Variants in SGCZ observed in about 807,000 individuals in gnomAD.
The protein encoded by SGCZ is sarcoglycan zeta.
In SGCZ, 40 loss-of-function variants were observed where a neutral mutation model predicts 41.3. The ratio of observed to expected loss-of-function variants is 0.97; its 90% confidence interval spans 0.75 to 1.26. The LOEUF (loss-of-function observed/expected upper bound fraction) is 1.26, where lower values mean the gene tolerates loss of function less well. Ranked by LOEUF, SGCZ falls within the 50% of genes most tolerant of loss-of-function variation. SGCZ has a pLI of 0.00. For missense variants in SGCZ, 552 were observed against 369.8 expected (o/e 1.49, Z -4.04); for synonymous variants, 206 against 137.5 (o/e 1.50, Z -3.49).
At chr8:14,993,251 T>C (rs1482532556) in intron 1 of SGCZ, among the ~76,000 whole-genome samples, 1 of 152,154 alleles carries the variant, frequency 6.6e-6, no homozygotes, top group African/African-American at 2.4e-5. Flanking sequence ...CTACCACAAG[T>C]CCGTTGTATG....
At chr8:14,776,518 CTTTTT>C (rs35602866) in intron 1 of SGCZ, among the ~76,000 whole-genome samples, 5 of 116,636 alleles carry the variant, frequency 4.3e-5, no homozygotes, top group African/African-American at 1.6e-4. Context: ...TTTTCTTTTT[CTTTTT>C]TTTTTTTTTT....
chr8:14,319,828 G>A (rs111493519), intron 3 of SGCZ, among the ~76,000 whole-genome samples: 4,241 of 152,122 alleles, frequency 0.028, 93 homozygotes, highest in Middle Eastern at 0.088. Context: ...TCACACTGCA[G>A]GGAGTTAAGA....
intron 2 of SGCZ, among the ~76,000 whole-genome samples, chr8:14,373,994 A>G (rs1219857529): frequency 2.6e-5 from 4 of 152,190 alleles, no homozygotes; most frequent in Non-Finnish European, 5.9e-5. Flanking sequence ...AAAATAAAAA[A>G]ATACACAGAT....
chr8:14,810,258 T>C (rs1279520637), intron 1 of SGCZ, among the ~76,000 whole-genome samples: 1 of 152,032 alleles, frequency 6.6e-6, no homozygotes. Context: ...AAATCAAAAA[T>C]TCAAGAAGTT....
chr8:14,390,608 A>G (rs1268696573), intron 2 of SGCZ, among the ~76,000 whole-genome samples: 1 of 152,000 alleles, frequency 6.6e-6, no homozygotes, highest in Non-Finnish European at 1.5e-5. Flanking sequence ...GCATTGAAAC[A>G]GTATGGCATG....
chr8:14,772,769 G>A (rs549281349), intron 1 of SGCZ, among the ~76,000 whole-genome samples: 20 of 151,918 alleles, frequency 1.3e-4, no homozygotes, highest in South Asian at 6.2e-4. Flanking sequence ...ATCATTTTTT[G>A]TGGCTGCATA....
At chr8:14,102,689 G>A (rs1029534841) in intron 6 of SGCZ, among the ~76,000 whole-genome samples, 190 bp from the exon 7 acceptor site, 12 of 151,982 alleles carry the variant, frequency 7.9e-5, no homozygotes, top group Admixed American at 5.9e-4. Context: ...TTTGATTGAC[G>A]TATCTATTTT....
At chr8:15,130,546 C>T (rs897590484) in intron 1 of SGCZ, among the ~76,000 whole-genome samples, 3 of 152,172 alleles carry the variant, frequency 2.0e-5, no homozygotes, top group Non-Finnish European at 4.4e-5. Flanking sequence ...TAGAAATGCT[C>T]CTCATCCCAG....
chr8:14,539,166 T>C (rs1803382772), intron 2 of SGCZ, among the ~76,000 whole-genome samples: 1 of 152,018 alleles, frequency 6.6e-6, no homozygotes, highest in South Asian at 2.1e-4. Flanking sequence ...CAGCAGATTA[T>C]CTTCGGACTG....
rs1585286523 is a variant in SGCZ, at chr8:14,816,675, C to G, written c.40-261749G>C. ...TATAAGAAATTAACCATGTTAAAAT[C>G]ACAGAATAATTTGGTAATACCGAAG... On this transcript the variant is annotated intron_variant, in intron 1 of 7. Transcript: ENST00000382080. Among the ~76,000 whole-genome samples, 4 of 151,956 alleles carry G rather than the reference C, an allele frequency of 2.6e-5. No individual in the cohort carries two copies. In the East Asian group the frequency reaches 7.8e-4, roughly 30 times the overall value.
In SGCZ at chr8:14,085,221, CAT is replaced by C. The variant is rs745951640; in HGVS notation, c.*5220_*5221del. 2.0e-5 allele frequency among the ~76,000 whole-genome samples: 3 copies of C among 151,654 alleles called. No homozygotes were observed. The highest frequency in any genetic ancestry group is 4.4e-5 in the Non-Finnish European group (3 of 67,778). The stretch of plus-strand genomic sequence containing the variant: ...TTTGGTAATATTGCAATTTTACAAA[CAT>C]GTTGCATAGTATGTGTAAGAAAATA... On this transcript the variant is annotated 3_prime_UTR_variant, in exon 8 of 8. Coordinates refer to ENST00000382080, the MANE Select transcript of SGCZ (RefSeq NM_139167.4).
chr8:14,584,450 G>A (rs1804995065), intron 1 of SGCZ, among the ~76,000 whole-genome samples: 2 of 152,072 alleles, frequency 1.3e-5, no homozygotes, highest in African/African-American at 4.8e-5. Flanking sequence ...ATGTTTAACA[G>A]AGAATACAGG....
At chr8:14,518,698 G>T (rs923081222) in intron 2 of SGCZ, among the ~76,000 whole-genome samples, 1 of 151,914 alleles carries the variant, frequency 6.6e-6, no homozygotes, top group African/African-American at 2.4e-5. Flanking sequence ...ATTAAGTACA[G>T]TTTAGTTGCA....
rs377270891 is a variant in SGCZ at position 14,782,557 on chromosome 8, T to G, written c.40-227631A>C. On this transcript the variant is annotated intron_variant, in intron 1 of 7. Coordinates refer to ENST00000382080, the MANE Select transcript of SGCZ (RefSeq NM_139167.4). ...TTTGCAGATACAAACGAATTAACCA[T>G]CTGGAACCACCTAAACAAGACTCAT... 3.3e-5 allele frequency among the ~76,000 whole-genome samples: 5 copies of G among 152,274 alleles called. 1 individual carries two copies. Among genetic ancestry groups the G allele is most frequent in the African/African-American group, 1.2e-4 (5 of 41,574 alleles).
At chr8:15,008,798 A>C (rs1429490545) in intron 1 of SGCZ, among the ~76,000 whole-genome samples, 1 of 22,262 alleles carries the variant, frequency 4.5e-5, no homozygotes, top group African/African-American at 1.9e-4. Flanking sequence ...GGACGGAGGG[A>C]GGGGAGGAGG....
At chr8:14,278,948 A>G (rs567565563) in intron 3 of SGCZ, among the ~76,000 whole-genome samples, 1 of 152,154 alleles carries the variant, frequency 6.6e-6, no homozygotes, top group Non-Finnish European at 1.5e-5. Context: ...CTACAAGGCC[A>G]TGTATCTCTC....
chr8:14,246,866 C>T (rs1346779913), intron 3 of SGCZ, among the ~76,000 whole-genome samples: 79 of 141,600 alleles, frequency 5.6e-4, no homozygotes, highest in Middle Eastern at 3.9e-3. Flanking sequence ...GCCGAGATCG[C>T]GCCACTGCAC....
intron 1 of SGCZ, among the ~76,000 whole-genome samples, chr8:14,796,591 G>C (rs1166942217): frequency 6.6e-6 from 1 of 152,134 alleles, no homozygotes; most frequent in Admixed American, 6.5e-5. Flanking sequence ...TACATTAGAA[G>C]AAATCATTCG....
intron 2 of SGCZ, among the ~76,000 whole-genome samples, chr8:14,464,997 C>T (rs1801009123): frequency 6.6e-6 from 1 of 151,664 alleles, no homozygotes; most frequent in African/African-American, 2.4e-5. Context: ...TGTGGGCAAA[C>T]ATATGGTCTA....
Sources: allele counts gnomAD v4.1 joint callset (sites outside exome capture counted in the v4.1 genomes callset), GRCh38; gene constraint gnomAD v4.1.1; transcripts MANE v1.5; gene names NCBI Gene and HGNC (gene_info 2026-07-23, HGNC 2026-07-21).